The following TLK1 variants were observed in gnomAD, a reference collection of about 807,000 sequenced individuals.
The protein encoded by TLK1 is tousled like kinase 1.
In TLK1, 24 loss-of-function variants were observed where a neutral mutation model predicts 105.3. The ratio of observed to expected loss-of-function variants is 0.23; its 90% confidence interval spans 0.17 to 0.32. TLK1 has a LOEUF of 0.32. Ranked by LOEUF, TLK1 falls within the 10% of genes least tolerant of loss-of-function variation. The pLI, the probability that TLK1 is intolerant of heterozygous loss-of-function variation, is 1.00. For missense variants in TLK1, 558 were observed against 910.5 expected, an observed-to-expected ratio of 0.61 and a Z score of 4.98; for synonymous variants, 321 against 310.4, an observed-to-expected ratio of 1.03 and a Z score of -0.36.
At chr2:171,150,810 T>C (rs1691999888) in intron 1 of TLK1, among the ~76,000 whole-genome samples, 2 of 152,160 alleles carry the variant, frequency 1.3e-5, no homozygotes, top group South Asian at 2.1e-4. Flanking sequence ...TGTGAACCAA[T>C]ACACTCATTT....
intron 12 of TLK1, among the ~76,000 whole-genome samples, chr2:171,015,850 G>A (rs1259414138): frequency 6.6e-5 from 10 of 152,052 alleles, no homozygotes; most frequent in South Asian, 2.1e-4. Flanking sequence ...AGGCTGTGGC[G>A]GGCGGATCAC....
intron 1 of TLK1, among the ~76,000 whole-genome samples, chr2:171,185,376 AC>A (rs1214323947): frequency 6.6e-6 from 1 of 152,124 alleles, no homozygotes; most frequent in Non-Finnish European, 1.5e-5. Context: ...CTTCATGGCT[AC>A]CCTTCATCTT....
chr2:171,067,979 C>A lies in TLK1; in HGVS notation c.331-6823G>T, dbSNP rs192915020. On this transcript the variant is annotated intron_variant, in intron 3 of 20. Transcript: ENST00000431350. ...TCCTTTTTTATGGCTGCATAGTATTCCGTGGTGCCAATACAACACTTTTAA... is the reference window on the plus strand; with the variant it reads ...TCCTTTTTTATGGCTGCATAGTATTACGTGGTGCCAATACAACACTTTTAA... Among the ~76,000 whole-genome samples, 666 of 152,240 alleles carry A rather than the reference C, an allele frequency of 4.4e-3. 6 individuals are homozygous for A. The highest frequency in any genetic ancestry group is 0.015 in the African/African-American group (605 of 41,518).
intron 2 of TLK1, among the ~76,000 whole-genome samples, chr2:171,115,590 A>G (rs539353944): frequency 6.6e-6 from 1 of 152,332 alleles, no homozygotes; most frequent in East Asian, 1.9e-4. Flanking sequence ...CCAAGAGAAG[A>G]AAATGACAGA....
rs538027198 is a variant in TLK1, at chr2:171,208,944, C to T, written c.-6+22201G>A. ...ATGACATGTATGAGTTTATTCTTTG[C>T]CCCTCTGTTTGCAACAGAAGAAAAA... On this transcript the variant is annotated intron_variant, in intron 1 of 20. Transcript: ENST00000521943. 3.3e-5 allele frequency among the ~76,000 whole-genome samples: 5 copies of T among 152,272 alleles called. No homozygotes were observed. In the South Asian group the frequency reaches 1.0e-3, roughly 32 times the overall value.
chr2:171,222,331 A>T (rs1407009949), intron 1 of TLK1, among the ~76,000 whole-genome samples: 2 of 151,906 alleles, frequency 1.3e-5, no homozygotes, highest in African/African-American at 4.8e-5. Flanking sequence ...ATTCTTTTTT[A>T]TTTATTTATT....
At chr2:171,006,916 C>T in intron 15 of TLK1, 27 bp from the exon 16 acceptor site, 1 of 1,604,986 alleles carries the variant, frequency 6.2e-7, no homozygotes, top group Non-Finnish European at 8.5e-7. Context: ...TATTAATTCT[C>T]CATGATCATT....
At chr2:171,086,414 TCA>T (rs1366224403) in intron 2 of TLK1, among the ~76,000 whole-genome samples, 3 of 151,712 alleles carry the variant, frequency 2.0e-5, no homozygotes, top group Admixed American at 2.0e-4. Flanking sequence ...CTTCTTGAGG[TCA>T]CAAGTTCAAA....
At chr2:171,010,667 G>T (rs1423759721) in intron 14 of TLK1, among the ~76,000 whole-genome samples, 1 of 151,802 alleles carries the variant, frequency 6.6e-6, no homozygotes, top group Non-Finnish European at 1.5e-5. Flanking sequence ...TGAACATGGG[G>T]AGTAAAAATG....
chr2:171,133,445 A>G (rs922894626), intron 1 of TLK1, among the ~76,000 whole-genome samples: 3 of 152,058 alleles, frequency 2.0e-5, no homozygotes, highest in Non-Finnish European at 4.4e-5. Flanking sequence ...AAAAATACAA[A>G]AATATTAGCC....
At chr2:171,174,842 CT>C (rs35573965) in intron 1 of TLK1, among the ~76,000 whole-genome samples, 68 of 150,790 alleles carry the variant, frequency 4.5e-4, no homozygotes, top group African/African-American at 1.2e-3. Context: ...GATTCACCAT[CT>C]TTTTTTTTAA....
chr2:171,177,716 G>A (rs557968984), intron 1 of TLK1, among the ~76,000 whole-genome samples: 112 of 152,324 alleles, frequency 7.4e-4, no homozygotes, highest in Non-Finnish European at 1.0e-3. Flanking sequence ...AAGGATATGG[G>A]AGCATGTCCT....
At chr2:171,023,084 C>G (rs946212335) in intron 12 of TLK1, 1 of 470,978 alleles carries the variant, frequency 2.1e-6, no homozygotes, top group African/African-American at 2.0e-5. Context: ...CAATATCGGT[C>G]AGAGAACAGG....
chr2:171,156,356 T>C (rs981229197), intron 1 of TLK1, among the ~76,000 whole-genome samples: 1 of 152,268 alleles, frequency 6.6e-6, no homozygotes, highest in African/African-American at 2.4e-5. Flanking sequence ...TAAAAAATTC[T>C]ATTTACAACA....
At position 171,115,170 on chromosome 2, in the gene TLK1, C is replaced by CTTTTTTTT. The variant is rs373796060; in HGVS notation, c.258+2568_258+2569insAAAAAAAA. Among the ~76,000 whole-genome samples the CTTTTTTTT allele has an allele frequency of 9.1e-3, 1,227 of 135,558 alleles. 101 individuals are homozygous for CTTTTTTTT. The highest frequency in any genetic ancestry group is 0.025 in the African/African-American group (830 of 33,054). 88.9% of individuals were successfully genotyped at this position (135,558 alleles called of 152,430 possible). ...ATCTTGCTTCATCTTTTAAGAATTTCTTTCTTTTTTTTTTTTTTGAGACTG... is the reference window on the plus strand; with the variant it reads ...ATCTTGCTTCATCTTTTAAGAATTTCTTTTTTTTTTTCTTTTTTTTTTTTTTGAGACTG... On this transcript the variant is annotated intron_variant, in intron 2 of 20. Transcript: ENST00000431350.
At position 171,075,808 on chromosome 2, in the gene TLK1, C is replaced by T. The variant is rs181182929; in HGVS notation, c.330+6973G>A. Among the ~76,000 whole-genome samples the T allele has an allele frequency of 2.0e-5, 3 of 152,276 alleles. No individual in the cohort carries two copies. In the East Asian group the frequency reaches 5.8e-4, roughly 29 times the overall value. ...ATGAGCTAGAAGATACATAATCTAACTTAGCATCTTGGGCTTAGGTATAGA... is the reference window on the plus strand; with the variant it reads ...ATGAGCTAGAAGATACATAATCTAATTTAGCATCTTGGGCTTAGGTATAGA... On this transcript the variant is annotated intron_variant, in intron 3 of 20. Coordinates refer to ENST00000431350, the MANE Select transcript of TLK1 (RefSeq NM_012290.5).
intron 3 of TLK1, among the ~76,000 whole-genome samples, chr2:171,063,556 TA>T (rs929063676): frequency 2.6e-5 from 4 of 152,090 alleles, no homozygotes; most frequent in African/African-American, 9.6e-5. Context: ...CAGGCAAAAA[TA>T]GGGGGGAAAA....
chr2:171,045,542 CG>C (rs1467351550), intron 11 of TLK1: 5 of 152,010 alleles, frequency 3.3e-5, no homozygotes, highest in African/African-American at 9.7e-5. Context: ...CGTGAGTTTA[CG>C]TAAGTTCTTC....
chr2:171,073,879 C>A (rs1449762116), intron 3 of TLK1, among the ~76,000 whole-genome samples: 4 of 96,940 alleles, frequency 4.1e-5, no homozygotes, highest in Admixed American at 1.1e-4. Context: ...CATTCCCCCC[C>A]CCCCTCCTTT....
Sources: allele counts gnomAD v4.1 joint callset (sites outside exome capture counted in the v4.1 genomes callset), GRCh38; gene constraint gnomAD v4.1.1; transcripts MANE v1.5; gene names NCBI Gene and HGNC (gene_info 2026-07-23, HGNC 2026-07-21).